The following MCCC1 variants were observed in gnomAD, a reference collection of about 807,000 sequenced individuals.
MCCC1 encodes the protein methylcrotonyl-CoA carboxylase subunit 1, also known as methylcrotonoyl-CoA carboxylase subunit alpha, mitochondrial.
MCCC1 carries 64 observed loss-of-function variants against 83.8 expected under a neutral mutation model. The observed-to-expected ratio is 0.76, with a 90% CI of 0.62 to 0.94. The LOEUF is 0.94. Among genes scored for constraint, MCCC1 ranks in the 40% least tolerant of loss-of-function variants. The pLI is 0.00. For synonymous variants in MCCC1, 322 were observed against 315.4 expected (o/e 1.02, Z -0.22); for missense variants, 807 against 904.7 (o/e 0.89, Z 1.39).
chr3:183,077,049 G>A (rs1167750730), intron 4 of MCCC1, among the ~76,000 whole-genome samples: 1 of 152,000 alleles, frequency 6.6e-6, no homozygotes, highest in African/African-American at 2.4e-5. Context: ...TCCATTTTTT[G>A]TTTAACACAA....
intron 7 of MCCC1, among the ~76,000 whole-genome samples, chr3:183,062,601 C>A (rs992308374): frequency 6.6e-6 from 1 of 152,122 alleles, no homozygotes; most frequent in Non-Finnish European, 1.5e-5. Context: ...GCAATCTGCC[C>A]GCCATGGCCT....
chr3:183,051,286 T>C (rs9821577), intron 9 of MCCC1, among the ~76,000 whole-genome samples: 25,754 of 152,174 alleles, frequency 0.17, 2,481 homozygotes, highest in East Asian at 0.39. Flanking sequence ...TGTCCTTCAG[T>C]AGCTAAATAG....
At chr3:183,041,782 T>G (rs1282673851) in intron 10 of MCCC1, 32 bp from the exon 11 acceptor site, 1 of 1,611,700 alleles carries the variant, frequency 6.2e-7, no homozygotes, top group Middle Eastern at 1.7e-4. Flanking sequence ...TTATGAAATC[T>G]ACCGTATAGC....
chr3:183,075,642 G>A (rs910374686), intron 4 of MCCC1, among the ~76,000 whole-genome samples: 8 of 150,678 alleles, frequency 5.3e-5, no homozygotes, highest in African/African-American at 9.8e-5. Flanking sequence ...CCAGGTTCAC[G>A]CCATTCTCCT....
At chr3:183,074,013 G>A (rs988527302) in intron 4 of MCCC1, among the ~76,000 whole-genome samples, 1 of 152,204 alleles carries the variant, frequency 6.6e-6, no homozygotes, top group South Asian at 2.1e-4. Flanking sequence ...TCACATCCTG[G>A]GAGGGACAAA....
At chr3:183,062,861 A>G (rs1715949849) in intron 7 of MCCC1, among the ~76,000 whole-genome samples, 1 of 152,202 alleles carries the variant, frequency 6.6e-6, no homozygotes, top group South Asian at 2.1e-4. Context: ...CAGGAGGTGC[A>G]TCAAATCCCA....
At chr3:183,077,464 T>C (rs971155500) in intron 4 of MCCC1, among the ~76,000 whole-genome samples, 1 of 152,190 alleles carries the variant, frequency 6.6e-6, no homozygotes, top group Admixed American at 6.5e-5. Flanking sequence ...ACCAAGGTTT[T>C]GATTTGTATT....
rs2108553710 is a variant in MCCC1, at chr3:183,086,769, A to G, written c.293T>C (p.Ile98Thr). 5 of 1,614,130 alleles carry G rather than the reference A, an allele frequency of 3.1e-6. No individual in the cohort carries two copies. The highest frequency in any genetic ancestry group is 1.6e-4 in the Middle Eastern group (1 of 6,062). The change falls in exon 4 of 19, where the codon ATC (isoleucine) becomes ACC (threonine). Residue 98 changes from isoleucine (I) to threonine (T), a missense_variant. Ile to Thr is a moderately conservative substitution (Grantham distance 89, BLOSUM62 -1). Transcript: ENST00000265594. ...HVDMADEAYS[I>T]GPAPSQQSYL... ...GCTCTGCTGGGAGGGAGCGGGGCCG[A>G]TGGAATATGCTTCATCTGCCTGTTT... is the stretch of plus-strand genomic sequence containing the variant.
chr3:183,048,045 C>T (rs371865177), intron 9 of MCCC1, among the ~76,000 whole-genome samples: 147 of 152,274 alleles, frequency 9.7e-4, no homozygotes, highest in African/African-American at 3.4e-3. Context: ...GCCACAATGT[C>T]ACTGGATAGG....
At chr3:183,077,966 T>C (rs903075045) in intron 4 of MCCC1, among the ~76,000 whole-genome samples, 1 of 152,222 alleles carries the variant, frequency 6.6e-6, no homozygotes, top group African/African-American at 2.4e-5. Flanking sequence ...TCTATCCTGT[T>C]CTACTGACCT....
intron 12 of MCCC1, among the ~76,000 whole-genome samples, chr3:183,038,087 A>T (rs1713773429): frequency 6.6e-6 from 1 of 152,172 alleles, no homozygotes; most frequent in Admixed American, 6.5e-5. Context: ...CCAGGCTCTG[A>T]TCCAGGCACT....
At chr3:183,114,535 C>T (rs1044563425) in intron 1 of MCCC1, among the ~76,000 whole-genome samples, 8 of 152,156 alleles carry the variant, frequency 5.3e-5, no homozygotes, top group East Asian at 1.9e-4. Context: ...ATGGCTTGCT[C>T]GGTATTTGAG....
chr3:183,033,857 T>C, intron 14 of MCCC1, 134 bp downstream of exon 14: 1 of 669,044 alleles, frequency 1.5e-6, no homozygotes. Flanking sequence ...TATTGGCATA[T>C]TTCCCTCCAA....
At chr3:183,015,681 G>T in intron 18 of MCCC1, 115 bp from the exon 19 acceptor site, 1 of 1,264,492 alleles carries the variant, frequency 7.9e-7, no homozygotes, top group Non-Finnish European at 1.1e-6. Context: ...TTGATGTTTT[G>T]TCATCTCTCG....
In MCCC1 at chr3:183,094,604, T is replaced by G; in HGVS notation, c.91A>C (p.Thr31Pro). 1.9e-6 allele frequency: 3 copies of G among 1,613,818 alleles called. No individual in the cohort carries two copies. Among genetic ancestry groups the G allele is most frequent in the Non-Finnish European group, 2.5e-6 (3 of 1,179,696 alleles). The stretch of plus-strand genomic sequence containing the variant: ...ATGGTTCTTTGCCTCCACACCCATG[T>G]CCTATAACATAAATCCAAAAGGAAT... ...RLPSLLLPPRTWVWRQRTMKY... is the reference protein window; with the variant it reads ...RLPSLLLPPRPWVWRQRTMKY... Residue 31 changes from threonine (T) to proline (P), a missense_variant and splice_region_variant, in exon 2 of 19, where the codon ACA (threonine) becomes CCA (proline). Coordinates refer to ENST00000265594, the MANE Select transcript of MCCC1 (RefSeq NM_020166.5).
chr3:183,045,752 T>C (rs1455853014), intron 9 of MCCC1, among the ~76,000 whole-genome samples: 1 of 152,182 alleles, frequency 6.6e-6, no homozygotes, highest in Non-Finnish European at 1.5e-5. Flanking sequence ...AAAAGTATAT[T>C]TGGGGTTGTG....
At chr3:183,087,426 A>G (rs947902989) in intron 3 of MCCC1, among the ~76,000 whole-genome samples, 44 of 152,148 alleles carry the variant, frequency 2.9e-4, no homozygotes, top group Admixed American at 8.5e-4. Context: ...AGGGGGAGAG[A>G]CAGACATTAA....
intron 14 of MCCC1, among the ~76,000 whole-genome samples, chr3:183,029,372 C>T (rs1055560859): frequency 5.9e-5 from 9 of 152,258 alleles, no homozygotes; most frequent in East Asian, 5.8e-4. Flanking sequence ...ACGAACATGG[C>T]GGGGCCGACA....
chr3:183,024,222 C>G (rs1257187934), intron 15 of MCCC1, among the ~76,000 whole-genome samples: 4 of 151,894 alleles, frequency 2.6e-5, no homozygotes, highest in African/African-American at 9.7e-5. Context: ...TGCACTCCAG[C>G]CTGGGTGACA....
Sources: allele counts gnomAD v4.1 joint callset (sites outside exome capture counted in the v4.1 genomes callset), GRCh38; gene constraint gnomAD v4.1.1; transcripts MANE v1.5; gene names NCBI Gene and HGNC (gene_info 2026-07-23, HGNC 2026-07-21).